CERKL: variants seen among roughly 807,000 people sequenced by gnomAD.
CERKL encodes the protein CERK like autophagy regulator, also known as ceramide kinase-like protein.
A neutral mutation model predicts 63.4 loss-of-function variants in CERKL; 61 were observed. The observed-to-expected ratio is 0.96, with a 90% CI of 0.78 to 1.19. CERKL has a LOEUF of 1.19. CERKL is among the 50% of genes most tolerant of loss of function. The pLI is 0.00. For synonymous variants in CERKL, 250 were observed against 230.5 expected, an observed-to-expected ratio of 1.08 and a Z score of -0.77; for missense variants, 675 against 655.5, an observed-to-expected ratio of 1.03 and a Z score of -0.33.
Position 181,545,544 on chromosome 2 carries a change from T to C in CERKL, c.1269-748A>G, listed in dbSNP as rs1482039739. On this transcript the variant is annotated intron_variant, in intron 10 of 12. Coordinates refer to ENST00000410087, the MANE Select transcript of CERKL (RefSeq NM_201548.5). ...TAACAACAAAATAAAAAAAGAGCTC[T>C]TAGTATCTTATGAAAGCTCAAGTCA... Among the ~76,000 whole-genome samples, 3 of 152,142 alleles carry C rather than the reference T, an allele frequency of 2.0e-5. No individual in the cohort carries two copies. In the East Asian group the frequency reaches 5.8e-4, roughly 29 times the overall value.
At chr2:181,647,948 C>T (rs892273415) in intron 1 of CERKL, among the ~76,000 whole-genome samples, 32 of 151,684 alleles carry the variant, frequency 2.1e-4, no homozygotes, top group African/African-American at 7.5e-4. Flanking sequence ...AAGACACAAT[C>T]GAGAGCTTCA....
rs764688469 is a variant in CERKL, at chr2:181,539,173, T to C, written c.1457A>G (p.Glu486Gly). 3 of 1,606,620 alleles carry C rather than the reference T, an allele frequency of 1.9e-6. No individual in the cohort carries two copies. In the South Asian group the frequency reaches 3.3e-5, roughly 18 times the overall value. The change falls in exon 12 of 13, where the codon GAG becomes GGG. Residue 486 changes from glutamate to glycine, a missense_variant. Glu to Gly is a moderately conservative substitution (Grantham distance 98). Transcript: ENST00000410087. ...ACAATTTTCTGAAGCAGTTTCATCC[T>C]CCTCCTCCTCTGGATTATATCCACC... Reference protein sequence around the residue: ...NTGGYNPEEEEDETASENCFP... With the variant: ...NTGGYNPEEEGDETASENCFP...
chr2:181,613,226 T>G (rs1345330749), intron 1 of CERKL, among the ~76,000 whole-genome samples: 2 of 152,234 alleles, frequency 1.3e-5, no homozygotes, highest in Non-Finnish European at 2.9e-5. Flanking sequence ...TTGACTTTTT[T>G]GGATTCCACA....
chr2:181,648,311 C>T (rs1687751657), intron 1 of CERKL, among the ~76,000 whole-genome samples: 1 of 151,632 alleles, frequency 6.6e-6, no homozygotes. Flanking sequence ...TAAGGGAATC[C>T]TAATTAGACT....
chr2:181,596,309 T>C (rs1323929299), intron 2 of CERKL, among the ~76,000 whole-genome samples: 1 of 152,220 alleles, frequency 6.6e-6, no homozygotes, highest in Non-Finnish European at 1.5e-5. Context: ...AGTATAATTA[T>C]GACCAATTAC....
Position 181,656,814 on chromosome 2 carries a change from C to A in CERKL, c.193G>T (p.Glu65Ter), listed in dbSNP as rs201186440. 95 of 1,596,256 alleles carry A rather than the reference C, an allele frequency of 6.0e-5. No individual in the cohort carries two copies. The highest frequency in any genetic ancestry group is 7.7e-6 in the Non-Finnish European group (9 of 1,168,524). ...GRDSCDVVLSERALRWRPIQP... is the reference protein window; with the variant it reads ...GRDSCDVVLS The stretch of plus-strand genomic sequence containing the variant: ...ATGGGCCGCCACCGCAGTGCTCGCT[C>A]GCTCAGCACCACGTCACAACTGTCC... Residue 65 changes from glutamate to a stop codon, truncating the protein, a stop_gained, in exon 1 of 13, where the codon GAG (glutamate) becomes TAG (stop). Coordinates refer to ENST00000410087, the MANE Select transcript of CERKL (RefSeq NM_201548.5). LOFTEE classifies it high-confidence loss of function.
At chr2:181,597,640 G>A (rs1685275103) in intron 2 of CERKL, among the ~76,000 whole-genome samples, 1 of 152,204 alleles carries the variant, frequency 6.6e-6, no homozygotes, top group South Asian at 2.1e-4. Context: ...CAGGGATAGA[G>A]AACTGGGTGG....
chr2:181,574,364 G>C (rs1689034475), intron 2 of CERKL, among the ~76,000 whole-genome samples: 2 of 152,236 alleles, frequency 1.3e-5, no homozygotes, highest in Admixed American at 6.5e-5. Context: ...GTCCAGTGCA[G>C]AACAGAGGAA....
In CERKL at chr2:181,558,102, T is replaced by G. The variant is rs1317916983; in HGVS notation, c.820+464A>C. Among the ~76,000 whole-genome samples, 1 of 152,146 alleles carries G rather than the reference T, an allele frequency of 6.6e-6. No individual in the cohort carries two copies. Among genetic ancestry groups the G allele is most frequent in the Non-Finnish European group, 1.5e-5 (1 of 68,010 alleles). On this transcript the variant is annotated intron_variant, in intron 5 of 12. Transcript: ENST00000410087. The surrounding 1 kb of genome is among the most constrained non-coding windows in gnomAD (Gnocchi z 4.2). ...ATCCTCCCTTCCAGTCACAAGTAAT[T>G]TTGGCATTCTCAAGGTTATCTGGTT...
intron 11 of CERKL, 97 bp downstream of exon 11, chr2:181,544,602 AC>A: frequency 2.8e-6 from 2 of 706,258 alleles, no homozygotes; most frequent in Non-Finnish European, 4.9e-6. Context: ...AGAAAATAAA[AC>A]CTTCTTATGA....
intron 1 of CERKL, among the ~76,000 whole-genome samples, chr2:181,634,729 T>C (rs977783345): frequency 2.6e-5 from 4 of 152,176 alleles, no homozygotes; most frequent in Admixed American, 6.5e-5. Context: ...CATACTTGGT[T>C]AGTTTAAGAT....
At chr2:181,610,777 T>C (rs1048645457) in intron 1 of CERKL, among the ~76,000 whole-genome samples, 1 of 152,268 alleles carries the variant, frequency 6.6e-6, no homozygotes, top group Non-Finnish European at 1.5e-5. Context: ...TTTTTTCTTA[T>C]GAAGCTCCAT....
chr2:181,599,093 A>C (rs1685349560), intron 2 of CERKL, among the ~76,000 whole-genome samples: 3 of 152,240 alleles, frequency 2.0e-5, no homozygotes, highest in African/African-American at 7.2e-5. Flanking sequence ...TATTGCAAGG[A>C]AACTCAGTGA....
chr2:181,614,815 C>T (rs1337722599), intron 1 of CERKL, among the ~76,000 whole-genome samples: 1 of 152,038 alleles, frequency 6.6e-6, no homozygotes, highest in East Asian at 1.9e-4. Context: ...TTAATTCTAC[C>T]TTAATGTTAA....
chr2:181,618,628 T>C (rs1044398014), intron 1 of CERKL, among the ~76,000 whole-genome samples: 1 of 152,064 alleles, frequency 6.6e-6, no homozygotes, highest in African/African-American at 2.4e-5. Context: ...TGTTGGCTGG[T>C]CTCGAACTCC....
chr2:181,543,771 T>A (rs114852717), intron 11 of CERKL, among the ~76,000 whole-genome samples: 8,398 of 151,764 alleles, frequency 0.055, 312 homozygotes, highest in Non-Finnish European at 0.083. Context: ...CATCACGAGG[T>A]CAGGAGTTTC....
Position 181,573,733 on chromosome 2 carries a change from A to G in CERKL, c.613+20T>C, listed in dbSNP as rs780199911. ...GTATGTTTTTGTAGATGGTGAAATT[A>G]TATTCTGAAAATTACTTACTTGTTA... On this transcript the variant is annotated intron_variant, in intron 3 of 12. Coordinates refer to ENST00000410087, the MANE Select transcript of CERKL (RefSeq NM_201548.5). 1.3e-5 allele frequency: 21 copies of G among 1,607,572 alleles called. No homozygotes were observed. Among genetic ancestry groups the G allele is most frequent in the Admixed American group, 5.0e-5 (3 of 59,844 alleles).
intron 2 of CERKL, among the ~76,000 whole-genome samples, chr2:181,601,566 T>A (rs1685459561): frequency 6.6e-6 from 1 of 152,006 alleles, no homozygotes; most frequent in African/African-American, 2.4e-5. Flanking sequence ...CATTTAAAAA[T>A]AAAAAATAAA....
At chr2:181,575,329 C>T (rs1334017008) in intron 2 of CERKL, among the ~76,000 whole-genome samples, 1 of 152,212 alleles carries the variant, frequency 6.6e-6, no homozygotes, top group Admixed American at 6.5e-5. Context: ...TCACTCTCCT[C>T]GCCTTCCTCT....
Sources: gnomAD v4.1 joint callset for allele counts (sites outside exome capture counted in the v4.1 genomes callset) on GRCh38, gnomAD v4.1.1 for gene constraint, Gnocchi (gnomAD v3.1) non-coding constraint, MANE v1.5 for transcripts, NCBI Gene and HGNC (gene_info 2026-07-23, HGNC 2026-07-21) for gene names.